ADAM22: variants seen among roughly 807,000 people sequenced by gnomAD.
ADAM22 encodes the protein ADAM metallopeptidase domain 22, also known as disintegrin and metalloproteinase domain-containing protein 22.
ADAM22 carries 65 observed loss-of-function variants against 144.6 expected under a neutral mutation model. That is an observed-to-expected ratio of 0.45 (90% CI 0.37 to 0.55). ADAM22 has a LOEUF of 0.55. Among genes scored for constraint, ADAM22 ranks in the 20% least tolerant of loss-of-function variants. ADAM22 has a pLI of 0.00. For synonymous variants in ADAM22, 391 were observed against 412.6 expected, an observed-to-expected ratio of 0.95 and a Z score of 0.63; for missense variants, 974 against 1,184.9, an observed-to-expected ratio of 0.82 and a Z score of 2.61.
At chr7:87,982,395 G>A (rs1853771443) in intron 3 of ADAM22, among the ~76,000 whole-genome samples, 1 of 151,660 alleles carries the variant, frequency 6.6e-6, no homozygotes, top group Admixed American at 6.6e-5. Flanking sequence ...CCCATGCAGA[G>A]GGAACAGCAA....
rs185616223 is a variant in ADAM22 at position 88,168,007 on chromosome 7, T to C, written c.2192-130T>C. 1.2e-4 allele frequency: 86 copies of C among 740,614 alleles called. No homozygotes were observed. The African/African-American group carries it at 1.4e-3, about 12-fold the overall frequency. The allele number at this position is 740,614 out of a possible 1,614,324, so 45.9% of individuals were successfully genotyped here. A position where few individuals can be genotyped will look rare whatever the true frequency, so the allele number is the denominator to read the frequency against. ...TTGCTGAATTATGGTTGATTTTTTC[T>C]TTCCTTTGAAAAATACTCATTTTTG... On this transcript the variant is annotated intron_variant, in intron 24 of 31. Transcript: ENST00000413139.
chr7:88,083,280 T>C (rs547031396), intron 4 of ADAM22, among the ~76,000 whole-genome samples: 8 of 152,058 alleles, frequency 5.3e-5, no homozygotes, highest in Non-Finnish European at 1.0e-4. Flanking sequence ...TAGGTGAGAA[T>C]TGAACAGTGA....
At chr7:87,952,785 A>G (rs1295640381) in intron 2 of ADAM22, among the ~76,000 whole-genome samples, 2 of 151,940 alleles carry the variant, frequency 1.3e-5, no homozygotes, top group African/African-American at 4.8e-5. Context: ...ATTCTTTTTT[A>G]TTGGTAAGCT....
chr7:88,054,092 A>G (rs1191045384), intron 3 of ADAM22, among the ~76,000 whole-genome samples: 2 of 152,216 alleles, frequency 1.3e-5, no homozygotes, highest in African/African-American at 4.8e-5. Context: ...AGATCATGCT[A>G]CTGCACTTCA....
At chr7:88,074,016 G>A (rs1813514795) in intron 3 of ADAM22, among the ~76,000 whole-genome samples, 2 of 152,142 alleles carry the variant, frequency 1.3e-5, no homozygotes, top group Non-Finnish European at 2.9e-5. Context: ...AGCAATGTCT[G>A]GAGACATTTT....
chr7:88,190,438 G>A (rs148816362), intron 30 of ADAM22, among the ~76,000 whole-genome samples: 4 of 152,220 alleles, frequency 2.6e-5, no homozygotes, highest in South Asian at 2.1e-4. Context: ...GGGAGGCTGA[G>A]GCAGGAGAAT....
At chr7:88,028,520 T>G (rs1322127597) in intron 3 of ADAM22, among the ~76,000 whole-genome samples, 1 of 152,152 alleles carries the variant, frequency 6.6e-6, no homozygotes, top group African/African-American at 2.4e-5. Context: ...GCAGATTAAG[T>G]CTGATGTTTC....
intron 14 of ADAM22, among the ~76,000 whole-genome samples, chr7:88,140,834 C>T (rs1159849840): frequency 2.0e-5 from 3 of 151,994 alleles, no homozygotes; most frequent in Non-Finnish European, 1.5e-5. Context: ...AGACCCCTGC[C>T]TGAAAAAAGA....
At chr7:88,193,555 C>T (rs1437470218) in intron 31 of ADAM22, among the ~76,000 whole-genome samples, 1 of 152,192 alleles carries the variant, frequency 6.6e-6, no homozygotes, top group African/African-American at 2.4e-5. Flanking sequence ...TTTAATCACA[C>T]TGCCACTGTC....
At chr7:87,949,582 C>A in intron 2 of ADAM22, among the ~76,000 whole-genome samples, 1 of 152,164 alleles carries the variant, frequency 6.6e-6, no homozygotes, top group Non-Finnish European at 1.5e-5. Context: ...GTGACATCTA[C>A]TATTTCTGAT....
intron 3 of ADAM22, among the ~76,000 whole-genome samples, chr7:88,037,733 A>G (rs879014218): frequency 3.9e-5 from 6 of 152,110 alleles, no homozygotes; most frequent in Admixed American, 1.3e-4. Flanking sequence ...TTCCCTTCAC[A>G]AGAAGATTTT....
At chr7:88,108,756 A>G (rs1825215224) in intron 5 of ADAM22, among the ~76,000 whole-genome samples, 1 of 151,880 alleles carries the variant, frequency 6.6e-6, no homozygotes, top group Non-Finnish European at 1.5e-5. Flanking sequence ...AAAGAAAGAA[A>G]GAAAGAAAAG....
chr7:88,106,005 T>C (rs1824273044), intron 4 of ADAM22, among the ~76,000 whole-genome samples: 1 of 152,024 alleles, frequency 6.6e-6, no homozygotes, highest in Admixed American at 6.6e-5. Context: ...GATGAGAAAA[T>C]GGAGGCACGG....
intron 4 of ADAM22, among the ~76,000 whole-genome samples, chr7:88,086,700 C>T (rs1283880440): frequency 6.6e-6 from 1 of 152,100 alleles, no homozygotes; most frequent in Non-Finnish European, 1.5e-5. Flanking sequence ...CTTGGGAATA[C>T]AACTTTAATT....
At chr7:87,991,479 G>A (rs958486454) in intron 3 of ADAM22, among the ~76,000 whole-genome samples, 5 of 149,886 alleles carry the variant, frequency 3.3e-5, no homozygotes, top group Non-Finnish European at 5.9e-5. Context: ...CCATTCTCCT[G>A]CCTCAGCCTC....
At chr7:88,163,556 C>G (rs1056010532) in intron 23 of ADAM22, among the ~76,000 whole-genome samples, 7 of 151,970 alleles carry the variant, frequency 4.6e-5, no homozygotes, top group Non-Finnish European at 8.8e-5. Flanking sequence ...ACGATGTGGT[C>G]TGGGCACTGA....
chr7:88,039,464 A>AAAAAAAAAAAAAAAAAAAAAATATAT, intron 3 of ADAM22, among the ~76,000 whole-genome samples: 4 of 76,400 alleles, frequency 5.2e-5, no homozygotes, highest in Non-Finnish European at 1.1e-4. Context: ...AAAAAAAAAA[A>AAAAAAAAAAAAAAAAAAAAAATATAT]ATATATATAT....
At chr7:88,124,068 C>T (rs1419154072) in intron 7 of ADAM22, among the ~76,000 whole-genome samples, 1 of 151,650 alleles carries the variant, frequency 6.6e-6, no homozygotes, top group African/African-American at 2.4e-5. Flanking sequence ...TTCATGTATT[C>T]TTGAAAAGGA....
chr7:88,194,813 G>A (rs1850341452), intron 31 of ADAM22, among the ~76,000 whole-genome samples: 1 of 152,098 alleles, frequency 6.6e-6, no homozygotes. Flanking sequence ...CCCACCACAA[G>A]CCCCATTTAA....
Sources: gnomAD v4.1 joint callset for allele counts (sites outside exome capture counted in the v4.1 genomes callset) on GRCh38, gnomAD v4.1.1 for gene constraint, MANE v1.5 for transcripts, NCBI Gene and HGNC (gene_info 2026-07-23, HGNC 2026-07-21) for gene names.